The following NEGR1 variants were observed in gnomAD, a reference collection of about 807,000 sequenced individuals.
NEGR1 encodes the protein IgLON family member 4.
A neutral mutation model predicts 40.9 loss-of-function variants in NEGR1; 10 were observed. The observed-to-expected ratio is 0.24, with a 90% CI of 0.15 to 0.42. The LOEUF (loss-of-function observed/expected upper bound fraction) is 0.42. Among genes scored for constraint, NEGR1 ranks in the 10% least tolerant of loss-of-function variants. The pLI is 1.00. For missense variants in NEGR1, 352 were observed against 438.9 expected (o/e 0.80, Z 1.77); for synonymous variants, 185 against 166.8 (o/e 1.11, Z -0.84).
intron 1 of NEGR1, among the ~76,000 whole-genome samples, chr1:72,164,270 T>C (rs1167477994): frequency 6.6e-6 from 1 of 151,946 alleles, no homozygotes; most frequent in East Asian, 1.9e-4. Context: ...GTTTAGAATG[T>C]AACCCATTGA....
intron 2 of NEGR1, among the ~76,000 whole-genome samples, chr1:71,905,768 A>G (rs1192515816): frequency 6.6e-6 from 1 of 152,056 alleles, no homozygotes; most frequent in East Asian, 1.9e-4. Context: ...TACATGTGTT[A>G]AGAGGTTTAA....
intron 5 of NEGR1, among the ~76,000 whole-genome samples, chr1:71,593,503 T>C (rs934220823): frequency 2.6e-5 from 4 of 152,164 alleles, no homozygotes; most frequent in Admixed American, 2.6e-4. Context: ...ATAACTTCCA[T>C]TAAACCTAAA....
At chr1:71,749,910 C>T (rs1219288659) in intron 3 of NEGR1, among the ~76,000 whole-genome samples, 2 of 152,016 alleles carry the variant, frequency 1.3e-5, no homozygotes, top group East Asian at 3.9e-4. Context: ...GTTTAATGTC[C>T]CTATTTACAG....
intron 6 of NEGR1, among the ~76,000 whole-genome samples, chr1:71,490,134 T>G: frequency 6.6e-6 from 1 of 152,028 alleles, no homozygotes; most frequent in East Asian, 1.9e-4. Context: ...GACATTAATT[T>G]CTTGTTCTGA....
chr1:72,121,189 G>T (rs1265630578), intron 1 of NEGR1, among the ~76,000 whole-genome samples: 1 of 151,976 alleles, frequency 6.6e-6, no homozygotes, highest in South Asian at 2.1e-4. Flanking sequence ...CTTACCTGCT[G>T]CATACACACC....
chr1:71,831,791 G>A (rs1658848932), intron 2 of NEGR1, among the ~76,000 whole-genome samples: 1 of 117,508 alleles, frequency 8.5e-6, no homozygotes, highest in Non-Finnish European at 1.8e-5. Flanking sequence ...GGATATTTTG[G>A]GCTGAGACAA....
At chr1:71,809,909 GA>G (rs1178153637) in intron 2 of NEGR1, among the ~76,000 whole-genome samples, 1 of 151,956 alleles carries the variant, frequency 6.6e-6, no homozygotes, top group Non-Finnish European at 1.5e-5. Flanking sequence ...GCAAGTCAAG[GA>G]AAAAACGTAA....
chr1:71,430,970 A>G (rs1045858067), intron 6 of NEGR1, among the ~76,000 whole-genome samples: 1 of 151,858 alleles, frequency 6.6e-6, no homozygotes, highest in African/African-American at 2.4e-5. Context: ...CGTGGTCTCG[A>G]TCTCCTGACC....
At chr1:72,095,163 AT>A (rs1214092476) in intron 1 of NEGR1, among the ~76,000 whole-genome samples, 1 of 152,152 alleles carries the variant, frequency 6.6e-6, no homozygotes, top group African/African-American at 2.4e-5. Flanking sequence ...ATCCATTAAA[AT>A]TCACATTTTA....
At chr1:72,012,414 C>T (rs542980557) in intron 1 of NEGR1, among the ~76,000 whole-genome samples, 81 of 152,106 alleles carry the variant, frequency 5.3e-4, no homozygotes, top group African/African-American at 1.9e-3. Flanking sequence ...TCCCTTGCTA[C>T]GGTCGAGCCA....
intron 6 of NEGR1, among the ~76,000 whole-genome samples, chr1:71,438,258 T>C (rs1317870037): frequency 6.6e-6 from 1 of 152,220 alleles, no homozygotes; most frequent in Non-Finnish European, 1.5e-5. Flanking sequence ...TATGCTTAAA[T>C]TTGGCACCAA....
intron 1 of NEGR1, among the ~76,000 whole-genome samples, chr1:72,247,677 T>C (rs933844364): frequency 3.9e-5 from 6 of 152,206 alleles, no homozygotes; most frequent in African/African-American, 1.4e-4. Context: ...AGAAGTTCCA[T>C]ATTTTCCCTT....
chr1:71,681,908 C>T (rs1025620369), intron 4 of NEGR1, among the ~76,000 whole-genome samples: 8 of 152,154 alleles, frequency 5.3e-5, no homozygotes, highest in Non-Finnish European at 7.4e-5. Context: ...CTCACTGCAA[C>T]TTTCACCTCC....
intron 3 of NEGR1, among the ~76,000 whole-genome samples, chr1:71,764,133 C>T (rs773932793): frequency 3.3e-4 from 50 of 152,112 alleles, no homozygotes; most frequent in Non-Finnish European, 6.3e-4. Flanking sequence ...AGAAGAAACA[C>T]ACAATTTTTC....
chr1:71,561,848 T>C (rs1020608334), intron 6 of NEGR1, among the ~76,000 whole-genome samples: 1 of 151,490 alleles, frequency 6.6e-6, no homozygotes, highest in Non-Finnish European at 1.5e-5. Context: ...TTTTAGATCT[T>C]TCTTTCATGA....
At chr1:71,902,839 T>G (rs1462028563) in intron 2 of NEGR1, among the ~76,000 whole-genome samples, 1 of 152,118 alleles carries the variant, frequency 6.6e-6, no homozygotes, top group Admixed American at 6.5e-5. Context: ...ATGTCACTTC[T>G]AATTCTAAAG....
intron 4 of NEGR1, among the ~76,000 whole-genome samples, chr1:71,680,020 C>T (rs1333326700): frequency 3.3e-5 from 5 of 151,916 alleles, no homozygotes; most frequent in South Asian, 4.2e-4. Context: ...AATCAGTATG[C>T]TAATATCTTG....
At chr1:71,584,668 G>A (rs2101509583) in intron 6 of NEGR1, among the ~76,000 whole-genome samples, 1 of 152,242 alleles carries the variant, frequency 6.6e-6, no homozygotes, top group South Asian at 2.1e-4. Flanking sequence ...AGGGAACACA[G>A]TGCACGCTTG....
intron 1 of NEGR1, among the ~76,000 whole-genome samples, chr1:72,050,393 C>T (rs1026999): frequency 0.44 from 66,957 of 150,674 alleles, 15,250 homozygotes; most frequent in Admixed American, 0.5. Flanking sequence ...CAATTTTAAA[C>T]GAAGATTTGA....
Sources: gnomAD v4.1 joint callset for allele counts (sites outside exome capture counted in the v4.1 genomes callset) on GRCh38, gnomAD v4.1.1 for gene constraint, MANE v1.5 for transcripts, NCBI Gene and HGNC (gene_info 2026-07-23, HGNC 2026-07-21) for gene names.